ADARB1: variants seen among roughly 807,000 people sequenced by gnomAD.
ADARB1 encodes double-stranded RNA-specific editase 1.
ADARB1 carries 10 observed loss-of-function variants against 52.4 expected under a neutral mutation model. The ratio of observed to expected loss-of-function variants is 0.19; its 90% confidence interval spans 0.12 to 0.32. The LOEUF is 0.32. ADARB1 is among the 10% of genes least tolerant of loss of function. The pLI is 1.00. For synonymous variants in ADARB1, 349 were observed against 371.1 expected (o/e 0.94, Z 0.68); for missense variants, 643 against 922.3 (o/e 0.70, Z 3.92).
At chr21:45,193,989 A>C (rs1478148004) in intron 8 of ADARB1, among the ~76,000 whole-genome samples, 1 of 152,242 alleles carries the variant, frequency 6.6e-6, no homozygotes, top group Non-Finnish European at 1.5e-5. Flanking sequence ...TCCAAAATCC[A>C]TATGGAAATG....
chr21:45,084,033 A>G (rs1432829590), intron 1 of ADARB1, among the ~76,000 whole-genome samples: 2 of 152,198 alleles, frequency 1.3e-5, no homozygotes, highest in Non-Finnish European at 2.9e-5. Context: ...TTTTTGGTGA[A>G]GGAGCAAACA....
At chr21:45,078,535 G>C (rs776201844) in intron 1 of ADARB1, among the ~76,000 whole-genome samples, 10 of 152,194 alleles carry the variant, frequency 6.6e-5, no homozygotes, top group Non-Finnish European at 1.3e-4. Flanking sequence ...CTGGGCTGAG[G>C]TCACGGCAGC....
Position 45,074,691 on chromosome 21 carries a change from C to T in ADARB1, c.-322C>T, listed in dbSNP as rs2085839974. The T allele has an allele frequency of 3.4e-5, 5 of 145,752 alleles. No homozygotes were observed. The highest frequency in any genetic ancestry group is 4.0e-4 in the East Asian group (2 of 4,986). 9.0% of individuals were successfully genotyped at this position (145,752 alleles called of 1,614,324 possible). A position where few individuals can be genotyped will look rare whatever the true frequency, so the allele number is the denominator to read the frequency against. ...GCGCGAGGCCACGGCCACGCCGCGC[C>T]GCTGCGCACAACCAACGAGGCAGAG... On this transcript the variant is annotated 5_prime_UTR_variant, in exon 1 of 11. Transcript: ENST00000348831.
intron 2 of ADARB1, among the ~76,000 whole-genome samples, chr21:45,154,208 G>T (rs1671813948): frequency 6.6e-6 from 1 of 152,162 alleles, no homozygotes; most frequent in Admixed American, 6.5e-5. Context: ...AAATTGAGAG[G>T]GTTATAAGAT....
At chr21:45,087,122 G>A (rs557929840) in intron 1 of ADARB1, among the ~76,000 whole-genome samples, 4 of 152,288 alleles carry the variant, frequency 2.6e-5, no homozygotes, top group African/African-American at 9.6e-5. Context: ...AGAGGAAGTC[G>A]GTGAAGTACG....
intron 1 of ADARB1, among the ~76,000 whole-genome samples, chr21:45,084,478 A>G (rs749642522): frequency 1.6e-4 from 24 of 152,266 alleles, no homozygotes; most frequent in Non-Finnish European, 2.9e-5. Flanking sequence ...TGATGGATTC[A>G]GAGTCCAAGA....
At chr21:45,148,810 C>T (rs1569070857) in intron 2 of ADARB1, among the ~76,000 whole-genome samples, 1 of 152,170 alleles carries the variant, frequency 6.6e-6, no homozygotes, top group Non-Finnish European at 1.5e-5. Context: ...CCTGGCCTGG[C>T]GAGATCTCTG....
chr21:45,114,281 A>T (rs2087711095), intron 1 of ADARB1, among the ~76,000 whole-genome samples: 1 of 152,236 alleles, frequency 6.6e-6, no homozygotes, highest in Non-Finnish European at 1.5e-5. Context: ...AAGTCAGGAC[A>T]CATGTATCCC....
chr21:45,207,345 C>T (rs560214611), intron 9 of ADARB1, among the ~76,000 whole-genome samples: 1 of 152,268 alleles, frequency 6.6e-6, no homozygotes, highest in African/African-American at 2.4e-5. Context: ...CACCTTTAGA[C>T]GAGGACTCCT....
rs2093016526 is a variant in ADARB1 at position 45,224,216 on chromosome 21, T to C, written c.*2019T>C. On this transcript the variant is annotated 3_prime_UTR_variant, in exon 11 of 11. Coordinates refer to ENST00000348831, the MANE Select transcript of ADARB1 (RefSeq NM_001112.4). ...ATATGTGGATTTTGGTTACCAAGTT[T>C]AGTGTTAATATATTCCATATACATA... The C allele has an allele frequency of 1.0e-6, 1 of 985,466 alleles. No homozygotes were observed. The highest frequency in any genetic ancestry group is 6.1e-5 in the Admixed American group (1 of 16,296). 61.0% of individuals were successfully genotyped at this position (985,466 alleles called of 1,614,324 possible).
In ADARB1 at chr21:45,176,784, C is replaced by G. The variant is rs953887978; in HGVS notation, c.963+120C>G. ...CACCTTGACATCACTCTGTCCCCAC[C>G]AGGAGGAGTTACTGGTAAGTCTGGC... On this transcript the variant is annotated intron_variant, in intron 4 of 10. Transcript: ENST00000348831. The surrounding 1 kb of genome is among the most constrained non-coding windows in gnomAD (Gnocchi z 5.8). The G allele has an allele frequency of 8.7e-7, 1 of 1,146,624 alleles. No homozygotes were observed. Among genetic ancestry groups the G allele is most frequent in the South Asian group, 1.6e-5 (1 of 61,402 alleles). 71.0% of individuals were successfully genotyped at this position (1,146,624 alleles called of 1,614,324 possible). A position where few individuals can be genotyped will look rare whatever the true frequency, so the allele number is the denominator to read the frequency against.
chr21:45,191,153 A>T (rs902619646), intron 8 of ADARB1, among the ~76,000 whole-genome samples: 5 of 152,140 alleles, frequency 3.3e-5, no homozygotes, highest in African/African-American at 1.2e-4. Context: ...AACACCATTG[A>T]TTTTTTAATG....
intron 2 of ADARB1, chr21:45,144,924 A>T (rs2089933258): frequency 5.5e-6 from 1 of 181,950 alleles, no homozygotes; most frequent in African/African-American, 2.4e-5. Flanking sequence ...GTGTCATTTG[A>T]TGAGGAAAAA....
chr21:45,096,953 A>C (rs1304167280), intron 1 of ADARB1, among the ~76,000 whole-genome samples: 1 of 152,058 alleles, frequency 6.6e-6, no homozygotes, highest in African/African-American at 2.4e-5. Flanking sequence ...GTTAGTCAGG[A>C]TGGTCTCGAT....
At chr21:45,098,466 A>G (rs1490890204) in intron 1 of ADARB1, among the ~76,000 whole-genome samples, 1 of 152,050 alleles carries the variant, frequency 6.6e-6, no homozygotes, top group Non-Finnish European at 1.5e-5. Flanking sequence ...CCAGCTCATT[A>G]TATGACCGTT....
intron 2 of ADARB1, among the ~76,000 whole-genome samples, chr21:45,159,023 G>C (rs982390120): frequency 6.6e-6 from 1 of 152,084 alleles, no homozygotes; most frequent in African/African-American, 2.4e-5. Flanking sequence ...AGCAGTACAT[G>C]TTCATTGTAA....
chr21:45,141,098 T>G (rs1417583755), intron 2 of ADARB1, among the ~76,000 whole-genome samples: 1 of 152,136 alleles, frequency 6.6e-6, no homozygotes. Flanking sequence ...CTCGAGAGGC[T>G]GAGGTGGGAG....
At chr21:45,159,551 G>A (rs1162634392) in intron 2 of ADARB1, among the ~76,000 whole-genome samples, 1 of 152,156 alleles carries the variant, frequency 6.6e-6, no homozygotes, top group Non-Finnish European at 1.5e-5. Context: ...TTATATTTTT[G>A]TCTTACTATG....
rs75230603 is a variant in ADARB1 at position 45,091,728 on chromosome 21, A to C, written c.-220+16935A>C. Among the ~76,000 whole-genome samples, 123 of 152,298 alleles carry C rather than the reference A, an allele frequency of 8.1e-4. 2 individuals carry two copies. In the East Asian group the frequency reaches 0.021, roughly 27 times the overall value. ...CTCATGCTCTGGTGTCCTGTGGAGT[A>C]GAGCTCCTTGTTCTCCTGTGGACCA... On this transcript the variant is annotated intron_variant, in intron 1 of 10. Transcript: ENST00000348831.
Sources: gnomAD v4.1 joint callset for allele counts (sites outside exome capture counted in the v4.1 genomes callset) on GRCh38, gnomAD v4.1.1 for gene constraint, Gnocchi (gnomAD v3.1) non-coding constraint, MANE v1.5 for transcripts, NCBI Gene and HGNC (gene_info 2026-07-23, HGNC 2026-07-21) for gene names.